Variants in MAGI1 observed in about 807,000 individuals in gnomAD.
MAGI1 encodes the protein membrane-associated guanylate kinase, WW and PDZ domain-containing protein 1.
In MAGI1, 58 loss-of-function variants were observed where a neutral mutation model predicts 139.9. The ratio of observed to expected loss-of-function variants is 0.41; its 90% CI spans 0.34 to 0.52. The LOEUF is 0.52. Among genes scored for constraint, MAGI1 ranks in the 20% least tolerant of loss-of-function variants. The pLI, the probability that MAGI1 is intolerant of heterozygous loss-of-function variation, is 0.12. For missense variants in MAGI1, 1,874 were observed against 1,901.6 expected, an observed-to-expected ratio of 0.99 and a Z score of 0.27; for synonymous variants, 812 against 737.9, an observed-to-expected ratio of 1.10 and a Z score of -1.63.
At chr3:65,778,085 A>G (rs969534583) in intron 1 of MAGI1, among the ~76,000 whole-genome samples, 1 of 152,206 alleles carries the variant, frequency 6.6e-6, no homozygotes, top group African/African-American at 2.4e-5. Flanking sequence ...CACAACAGCC[A>G]TGTGATACAC....
chr3:65,946,308 G>A (rs764720157), intron 1 of MAGI1, among the ~76,000 whole-genome samples: 8 of 152,188 alleles, frequency 5.3e-5, no homozygotes, highest in African/African-American at 1.4e-4. Flanking sequence ...ACAAGTCCTC[G>A]TCAGCGTCTT....
intron 1 of MAGI1, among the ~76,000 whole-genome samples, chr3:65,864,127 T>A (rs1468301907): frequency 2.0e-5 from 3 of 152,164 alleles, no homozygotes. Context: ...AAAATAAGGT[T>A]ATATAATAGC....
At chr3:65,826,888 TAAATAAAAGG>T (rs1266861599) in intron 1 of MAGI1, among the ~76,000 whole-genome samples, 10 of 152,156 alleles carry the variant, frequency 6.6e-5, no homozygotes, top group Non-Finnish European at 7.4e-5. Flanking sequence ...CCTTTAAAAA[TAAATAAAAGG>T]AAATTCATCC....
chr3:65,907,734 G>C (rs952727696), intron 1 of MAGI1: 1 of 152,168 alleles, frequency 6.6e-6, no homozygotes, highest in Non-Finnish European at 1.5e-5. Context: ...AACCTCCTGT[G>C]AGCCTGAGGC....
chr3:65,414,055 G>A (rs1575659436), intron 12 of MAGI1, among the ~76,000 whole-genome samples: 2 of 152,212 alleles, frequency 1.3e-5, no homozygotes, highest in Non-Finnish European at 2.9e-5. Context: ...TCTCTTGTCT[G>A]ATTCTGGCTA....
At chr3:65,710,615 TTTGAG>T (rs1168281792) in intron 1 of MAGI1, among the ~76,000 whole-genome samples, 2 of 152,276 alleles carry the variant, frequency 1.3e-5, no homozygotes, top group South Asian at 2.1e-4. Context: ...AGTTTCTAGA[TTTGAG>T]TTAACACTAT....
At chr3:65,459,924 T>C (rs1949661806) in intron 5 of MAGI1, among the ~76,000 whole-genome samples, 1 of 151,718 alleles carries the variant, frequency 6.6e-6, no homozygotes, top group Non-Finnish European at 1.5e-5. Context: ...AGACCCTGTC[T>C]CAAGAAAAAA....
At chr3:65,708,585 T>TCGGTCATTGGTGG (rs1481227636) in intron 1 of MAGI1, among the ~76,000 whole-genome samples, 1 of 151,466 alleles carries the variant, frequency 6.6e-6, no homozygotes, top group Non-Finnish European at 1.5e-5. Context: ...GGTGGGCAAA[T>TCGGTCATTGGTGG]CGGTCATTGG....
At chr3:65,728,938 T>G (rs552653151) in intron 1 of MAGI1, among the ~76,000 whole-genome samples, 23 of 152,100 alleles carry the variant, frequency 1.5e-4, no homozygotes, top group Middle Eastern at 3.2e-3. Context: ...AAAATGATCA[T>G]TTACTGTGTT....
chr3:65,782,409 G>C (rs79593208), intron 1 of MAGI1, among the ~76,000 whole-genome samples: 1 of 152,070 alleles, frequency 6.6e-6, no homozygotes, highest in Admixed American at 6.6e-5. Flanking sequence ...ACACAGCCCT[G>C]TGACAACTTG....
chr3:66,035,576 T>A (rs189809003), intron 1 of MAGI1, among the ~76,000 whole-genome samples: 3 of 152,330 alleles, frequency 2.0e-5, no homozygotes, highest in Admixed American at 6.5e-5. Context: ...CAACTGTGCC[T>A]GTGTAATTAT....
intron 2 of MAGI1, among the ~76,000 whole-genome samples, chr3:65,601,740 C>A (rs1383919274): frequency 5.3e-5 from 8 of 149,812 alleles, no homozygotes; most frequent in African/African-American, 2.0e-4. Flanking sequence ...AAAAAAAAAA[C>A]AGAAATTAGA....
chr3:65,979,986 G>A (rs540163649), intron 1 of MAGI1, among the ~76,000 whole-genome samples: 45 of 152,128 alleles, frequency 3.0e-4, no homozygotes, highest in Non-Finnish European at 6.3e-4. Context: ...CATCATTCCC[G>A]GAAAAGCTGC....
At chr3:65,888,889 TA>T (rs143503827) in intron 1 of MAGI1, among the ~76,000 whole-genome samples, 4,857 of 152,180 alleles carry the variant, frequency 0.032, 204 homozygotes, top group African/African-American at 0.086. Flanking sequence ...ATCTGTGCGC[TA>T]AAAAAATGTG....
chr3:65,387,027 A>G (rs1943497668), intron 14 of MAGI1: 1 of 846,254 alleles, frequency 1.2e-6, no homozygotes, highest in Admixed American at 2.4e-5. Context: ...ACTTCCCTTC[A>G]TGCCCCTTTT....
chr3:65,634,779 A>T (rs1459763192), intron 1 of MAGI1, among the ~76,000 whole-genome samples: 2 of 152,222 alleles, frequency 1.3e-5, no homozygotes, highest in African/African-American at 4.8e-5. Flanking sequence ...GGGAATGTTG[A>T]CTATGAACTC....
chr3:65,642,400 G>T (rs1012900353), intron 1 of MAGI1, among the ~76,000 whole-genome samples: 1 of 152,166 alleles, frequency 6.6e-6, no homozygotes, highest in Non-Finnish European at 1.5e-5. Flanking sequence ...CTATCCGGAA[G>T]ACTCGAAGGG....
intron 1 of MAGI1, among the ~76,000 whole-genome samples, chr3:65,652,826 A>G (rs1471884142): frequency 6.6e-6 from 1 of 152,206 alleles, no homozygotes; most frequent in Non-Finnish European, 1.5e-5. Flanking sequence ...AAGAGACTAA[A>G]GATGTAATTC....
intron 21 of MAGI1, among the ~76,000 whole-genome samples, 193 bp downstream of exon 21, chr3:65,363,272 C>T (rs1941075862): frequency 6.6e-6 from 1 of 152,154 alleles, no homozygotes; most frequent in Non-Finnish European, 1.5e-5. Flanking sequence ...GAAGTGTTCA[C>T]CTAACTTTAG....
Sources: gnomAD v4.1 joint callset for allele counts (sites outside exome capture counted in the v4.1 genomes callset) on GRCh38, gnomAD v4.1.1 for gene constraint, MANE v1.5 for transcripts, NCBI Gene and HGNC (gene_info 2026-07-23, HGNC 2026-07-21) for gene names.